BBS9: variants seen among roughly 807,000 people sequenced by gnomAD.
BBS9 encodes protein PTHB1.
A neutral mutation model predicts 117.7 loss-of-function variants in BBS9; 89 were observed. That is an observed-to-expected ratio of 0.76 (90% CI 0.64 to 0.90). BBS9 has a LOEUF of 0.90. BBS9 is among the 40% of genes least tolerant of loss of function. BBS9 has a pLI of 0.00. For missense variants in BBS9, 982 were observed against 1,042.2 expected, an observed-to-expected ratio of 0.94 and a Z score of 0.80; for synonymous variants, 379 against 370.9, an observed-to-expected ratio of 1.02 and a Z score of -0.25.
intron 21 of BBS9, among the ~76,000 whole-genome samples, chr7:33,595,968 C>G (rs1380582020): frequency 6.6e-6 from 1 of 151,832 alleles, no homozygotes; most frequent in Non-Finnish European, 1.5e-5. Flanking sequence ...GGGAGTGGAA[C>G]AGTGAGAACA....
intron 20 of BBS9, chr7:33,505,849 A>G (rs1846081066): frequency 1.7e-6 from 1 of 592,072 alleles, no homozygotes; most frequent in Non-Finnish European, 2.9e-6. Flanking sequence ...GAATAGGTAT[A>G]TAGTCAATTT....
At chr7:33,526,288 A>G (rs372497079) in intron 20 of BBS9, among the ~76,000 whole-genome samples, 3 of 152,084 alleles carry the variant, frequency 2.0e-5, no homozygotes, top group South Asian at 4.1e-4. Context: ...GAATCTGAAC[A>G]TTGGCCTGCC....
intron 9 of BBS9, among the ~76,000 whole-genome samples, chr7:33,329,755 C>T (rs993858649): frequency 2.6e-5 from 4 of 152,092 alleles, no homozygotes; most frequent in African/African-American, 4.8e-5. Flanking sequence ...AGTATGTCTC[C>T]GTGTACCTTC....
chr7:33,529,737 C>T (rs1037985300), intron 20 of BBS9, among the ~76,000 whole-genome samples: 2 of 151,924 alleles, frequency 1.3e-5, no homozygotes, highest in Non-Finnish European at 2.9e-5. Flanking sequence ...TAACAAAAAT[C>T]ATTTCTCACT....
At chr7:33,517,503 T>C (rs926865421) in intron 20 of BBS9, among the ~76,000 whole-genome samples, 1 of 152,204 alleles carries the variant, frequency 6.6e-6, no homozygotes, top group Admixed American at 6.5e-5. Context: ...GTGAGAGTTA[T>C]GTTATACACC....
chr7:33,142,535 A>C (rs1791642192), intron 1 of BBS9, among the ~76,000 whole-genome samples: 1 of 152,230 alleles, frequency 6.6e-6, no homozygotes, highest in Admixed American at 6.5e-5. Context: ...ATTATTGTGC[A>C]ACCAATCTCC....
chr7:33,165,166 T>A (rs1795468831), intron 4 of BBS9, among the ~76,000 whole-genome samples: 1 of 152,236 alleles, frequency 6.6e-6, no homozygotes, highest in African/African-American at 2.4e-5. Context: ...CCCCACTCTC[T>A]TCTGGCTTGT....
intron 20 of BBS9, among the ~76,000 whole-genome samples, chr7:33,523,236 T>A (rs200897842): frequency 0.25 from 37,185 of 147,288 alleles, 5,549 homozygotes; most frequent in East Asian, 0.48. Flanking sequence ...TGCGGGCTCT[T>A]TTTTGGTTGC....
chr7:33,197,184 C>A (rs778803228), intron 5 of BBS9, among the ~76,000 whole-genome samples: 4 of 152,222 alleles, frequency 2.6e-5, no homozygotes, highest in Middle Eastern at 3.4e-3. Context: ...GTGGTCAGCA[C>A]TGCCTTTGAC....
At chr7:33,405,279 C>T (rs1243860470) in intron 19 of BBS9, among the ~76,000 whole-genome samples, 5 of 152,122 alleles carry the variant, frequency 3.3e-5, no homozygotes, top group Non-Finnish European at 5.9e-5. Context: ...CATCAATGTT[C>T]ATCAAGGATA....
intron 21 of BBS9, among the ~76,000 whole-genome samples, chr7:33,558,907 G>A (rs1329556086): frequency 6.6e-6 from 1 of 152,166 alleles, no homozygotes; most frequent in South Asian, 2.1e-4. Flanking sequence ...CTCCTCACTT[G>A]TGATTAGAGA....
intron 4 of BBS9, among the ~76,000 whole-genome samples, chr7:33,172,565 A>C (rs944834947): frequency 1.3e-5 from 2 of 152,148 alleles, no homozygotes; most frequent in Non-Finnish European, 1.5e-5. Context: ...CAATTTTAGA[A>C]TTTGCTTTAT....
chr7:33,376,312 C>T (rs919480531), intron 17 of BBS9, among the ~76,000 whole-genome samples: 1 of 152,012 alleles, frequency 6.6e-6, no homozygotes, highest in East Asian at 1.9e-4. Flanking sequence ...ATTGTTCCTG[C>T]ATTAGTTTGC....
At chr7:33,410,211 T>A (rs1830863582) in intron 19 of BBS9, among the ~76,000 whole-genome samples, 1 of 152,180 alleles carries the variant, frequency 6.6e-6, no homozygotes, top group Admixed American at 6.5e-5. Flanking sequence ...AAGAGATGGC[T>A]TATTCTTCAA....
intron 5 of BBS9, among the ~76,000 whole-genome samples, chr7:33,210,517 G>A (rs571539390): frequency 6.6e-6 from 1 of 152,148 alleles, no homozygotes; most frequent in East Asian, 1.9e-4. Flanking sequence ...GTTGAGTTCT[G>A]TCTTTTTAGC....
chr7:33,336,464 C>T lies in BBS9; in HGVS notation c.1040C>T (p.Thr347Ile), dbSNP rs1190192699. ...CLHDLKGVIVTLSDDGHLQCS... is the reference protein window; with the variant it reads ...CLHDLKGVIVILSDDGHLQCS... ...AGTGATTTAAAGGGAGTGATAGTCA[C>T]TCTGAGTGATGATGGTCACTTGCAG... The change falls in exon 10 of 23, where the codon ACT becomes ATT. Residue 347 changes from threonine (T) to isoleucine (I), a missense_variant. Transcript: ENST00000242067. 2 of 1,613,800 alleles carry T rather than the reference C, an allele frequency of 1.2e-6. No homozygotes were observed. Among genetic ancestry groups the T allele is most frequent in the Non-Finnish European group, 1.7e-6 (2 of 1,179,782 alleles).
intron 9 of BBS9, among the ~76,000 whole-genome samples, chr7:33,294,036 G>A (rs985471791): frequency 1.4e-4 from 21 of 151,964 alleles, no homozygotes; most frequent in South Asian, 6.2e-4. Context: ...AAGAGCCTAG[G>A]AAGAACCTCT....
intron 5 of BBS9, among the ~76,000 whole-genome samples, chr7:33,189,715 G>A (rs529961002): frequency 3.3e-5 from 5 of 150,808 alleles, no homozygotes; most frequent in South Asian, 2.2e-4. Flanking sequence ...GTGAAACCCC[G>A]CCTCTACTAA....
At chr7:33,329,423 A>G (rs1190734250) in intron 9 of BBS9, among the ~76,000 whole-genome samples, 8 of 152,172 alleles carry the variant, frequency 5.3e-5, no homozygotes, top group Admixed American at 3.9e-4. Context: ...TTCCTAATTC[A>G]TGTTTTATAC....
Sources: allele counts gnomAD v4.1 joint callset (sites outside exome capture counted in the v4.1 genomes callset), GRCh38; gene constraint gnomAD v4.1.1; transcripts MANE v1.5; gene names NCBI Gene and HGNC (gene_info 2026-07-23, HGNC 2026-07-21).